Variants in SH2D3C observed in about 807,000 individuals in gnomAD.
SH2D3C encodes the protein SH2 domain-containing protein 3C.
SH2D3C carries 25 observed loss-of-function variants against 75.2 expected under a neutral mutation model. The observed-to-expected ratio is 0.33, with a 90% CI of 0.24 to 0.46. The LOEUF (loss-of-function observed/expected upper bound fraction) is 0.46. Ranked by LOEUF, SH2D3C falls within the 20% of genes least tolerant of loss-of-function variation. The pLI is 1.00. For synonymous variants in SH2D3C, 450 were observed against 473.7 expected, an observed-to-expected ratio of 0.95 and a Z score of 0.65; for missense variants, 933 against 1,165.3, an observed-to-expected ratio of 0.80 and a Z score of 2.90.
chr9:127,746,741 C>T (rs897841876), intron 6 of SH2D3C, among the ~76,000 whole-genome samples: 1 of 152,198 alleles, frequency 6.6e-6, no homozygotes, highest in Non-Finnish European at 1.5e-5. Flanking sequence ...AGTTCGAGAC[C>T]ACTCTGGCCA....
At chr9:127,763,810 T>A (rs1213122621) in intron 2 of SH2D3C, among the ~76,000 whole-genome samples, 1 of 152,178 alleles carries the variant, frequency 6.6e-6, no homozygotes, top group African/African-American at 2.4e-5. Context: ...CTGATAGCCC[T>A]CCCTGTTCTA....
At chr9:127,770,000 G>C (rs1026952797) in intron 2 of SH2D3C, among the ~76,000 whole-genome samples, 14 of 152,164 alleles carry the variant, frequency 9.2e-5, no homozygotes, top group African/African-American at 3.1e-4. Context: ...GTAGGCGTGG[G>C]GTAGGGAGTG....
chr9:127,760,525 A>G (rs929467518), intron 3 of SH2D3C, among the ~76,000 whole-genome samples: 1 of 152,158 alleles, frequency 6.6e-6, no homozygotes, highest in African/African-American at 2.4e-5. Flanking sequence ...GCAAACCACC[A>G]TGGCATGTAT....
chr9:127,754,665 T>C lies in SH2D3C; in HGVS notation c.556-3365A>G, dbSNP rs1229522371. ...ATCCCCCGCGTTTCCTGCTCCTCAC[T>C]CAGTCTTCAGATCCCAGTCCGGCGC... On this transcript the variant is annotated intron_variant, in intron 3 of 11. Transcript: ENST00000314830. The surrounding 1 kb of genome is among the most constrained non-coding windows in gnomAD (Gnocchi z 4.4). Among the ~76,000 whole-genome samples the C allele has an allele frequency of 2.6e-5, 4 of 151,904 alleles. No individual in the cohort carries two copies. The highest frequency in any genetic ancestry group is 5.9e-5 in the Non-Finnish European group (4 of 67,950).
chr9:127,750,458 C>T (rs1374507845), intron 4 of SH2D3C, among the ~76,000 whole-genome samples: 2 of 152,138 alleles, frequency 1.3e-5, no homozygotes, highest in Non-Finnish European at 1.5e-5. Flanking sequence ...CCTGGCCCCA[C>T]CTGGTGAACT....
Position 127,738,988 on chromosome 9 carries a change from A to G in SH2D3C, c.2408-67T>C, listed in dbSNP as rs566714591. ...CCTGTCCAGAGCCCTAGCATTCTTC[A>G]GGACCCCCCTGTTAGGGACCTCCCC... On this transcript the variant is annotated intron_variant, in intron 11 of 11. Transcript: ENST00000314830. This position sits in a 1 kb window ranked among gnomAD's most constrained non-coding sequence, Gnocchi z 5.0. The G allele has an allele frequency of 8.7e-4, 1,228 of 1,403,876 alleles. 15 individuals are homozygous for G. The highest frequency in any genetic ancestry group is 4.9e-3 in the South Asian group (314 of 64,716). The allele number at this position is 1,403,876 out of a possible 1,614,324, so 87.0% of individuals were successfully genotyped here.
chr9:127,743,470 T>C (rs1458031062), intron 7 of SH2D3C, among the ~76,000 whole-genome samples: 1 of 152,088 alleles, frequency 6.6e-6, no homozygotes, highest in Admixed American at 6.5e-5. Flanking sequence ...GCCACTGCAC[T>C]CCAGCCTCGG....
intron 3 of SH2D3C, among the ~76,000 whole-genome samples, chr9:127,757,055 G>C (rs181442379): frequency 6.0e-5 from 9 of 150,874 alleles, no homozygotes; most frequent in Non-Finnish European, 1.0e-4. Flanking sequence ...TCAGCTTCCC[G>C]AGTAGCTGGG....
chr9:127,742,999 G>C, intron 7 of SH2D3C, 35 bp from the exon 8 acceptor site: 1 of 1,523,992 alleles, frequency 6.6e-7, no homozygotes, highest in Non-Finnish European at 9.1e-7. Context: ...TTAATATCCT[G>C]TCAGGGCTGG....
At chr9:127,777,108 G>A (rs1212360634) in intron 1 of SH2D3C, among the ~76,000 whole-genome samples, 3 of 152,180 alleles carry the variant, frequency 2.0e-5, no homozygotes, top group Admixed American at 1.3e-4. Flanking sequence ...GGGCCTCAGC[G>A]TTGCCATCTG....
chr9:127,775,317 G>A (rs1385934514), intron 1 of SH2D3C, among the ~76,000 whole-genome samples: 2 of 152,118 alleles, frequency 1.3e-5, no homozygotes, highest in African/African-American at 4.8e-5. Flanking sequence ...AACATAGCAA[G>A]ACCCTGTCTC....
In SH2D3C at chr9:127,749,483, G is replaced by T. The variant is rs768705294; in HGVS notation, c.867C>A (p.Ser289Arg). Residue 289 changes from serine to arginine, a missense_variant, in exon 5 of 12, where the codon AGC (serine) becomes AGA (arginine). Physicochemically the swap from Ser to Arg is moderately radical, Grantham distance 110. Transcript: ENST00000314830. The surrounding 1 kb of genome is among the most constrained non-coding windows in gnomAD (Gnocchi z 5.9). ...GCACGAGGGCGGGCACGTGGTCAAA[G>T]CTCTCCTGCTCAAACAGGTACTGGA... Reference protein sequence around the residue: ...THIQYLFEQESFDHVPALVRY... With the variant: ...THIQYLFEQERFDHVPALVRY... 1 of 1,614,074 alleles carries T rather than the reference G, an allele frequency of 6.2e-7. No homozygotes were observed. The highest frequency in any genetic ancestry group is 1.3e-5 in the African/African-American group (1 of 74,944).
In SH2D3C at chr9:127,757,780, A is replaced by G. The variant is rs961256397; in HGVS notation, c.555+3831T>C. Among the ~76,000 whole-genome samples, 50 of 151,952 alleles carry G rather than the reference A, an allele frequency of 3.3e-4. 4 individuals are homozygous for G. Among genetic ancestry groups the G allele is most frequent in the East Asian group, 2.3e-3 (12 of 5,178 alleles). On this transcript the variant is annotated intron_variant, in intron 3 of 11. Transcript: ENST00000314830. ...GCAATTCTCCTGCCTCATCCTCCTG[A>G]GTAGCTGGGATTACAGTAGTGTGCC... is the stretch of plus-strand genomic sequence containing the variant.
chr9:127,754,595 C>T lies in SH2D3C; in HGVS notation c.556-3295G>A, dbSNP rs1284852744. ...GGCATGTCCAAGCCCACCTAGAGGG[C>T]GGGAGGGTGGCGGGCGCTCTGGCCC... On this transcript the variant is annotated intron_variant, in intron 3 of 11. Coordinates refer to ENST00000314830, the MANE Select transcript of SH2D3C (RefSeq NM_170600.3). The surrounding 1 kb of genome is among the most constrained non-coding windows in gnomAD (Gnocchi z 4.4). Among the ~76,000 whole-genome samples the T allele has an allele frequency of 2.0e-5, 3 of 152,142 alleles. No homozygotes were observed. Among genetic ancestry groups the T allele is most frequent in the African/African-American group, 7.2e-5 (3 of 41,438 alleles).
intron 1 of SH2D3C, 65 bp downstream of exon 1, chr9:127,778,526 A>C: frequency 8.7e-7 from 1 of 1,146,950 alleles, no homozygotes; most frequent in South Asian, 1.2e-5. Context: ...GAAGAAACAG[A>C]TGCAGAGAGA....
At position 127,754,788 on chromosome 9, in the gene SH2D3C, C is replaced by G. The variant is rs749610886; in HGVS notation, c.556-3488G>C. 9 of 476,834 alleles carry G rather than the reference C, an allele frequency of 1.9e-5. No homozygotes were observed. Among genetic ancestry groups the G allele is most frequent in the Non-Finnish European group, 3.0e-5 (7 of 231,312 alleles). The allele number at this position is 476,834 out of a possible 1,614,324, so 29.5% of individuals were successfully genotyped here. On this transcript the variant is annotated intron_variant, in intron 3 of 11. Transcript: ENST00000314830. The surrounding 1 kb of genome is among the most constrained non-coding windows in gnomAD (Gnocchi z 4.4). ...GACGCCGGAGACCCCATCTCCCAGT[C>G]CCCCCTGCCCCAGCTCTCTCCCTCC...
At position 127,744,943 on chromosome 9, in the gene SH2D3C, G is replaced by A; in HGVS notation, c.1421C>T (p.Thr474Ile). The change falls in exon 7 of 12, where the codon ACC becomes ATC. Residue 474 changes from threonine (T) to isoleucine (I), a missense_variant. By Grantham distance (89) the Thr-to-Ile change is moderately conservative (BLOSUM62 -1). Transcript: ENST00000314830. ...TGGTGACGGGGAGGCCTTGCCAAGG[G>A]TGTGGGAGGGGCTGGTGTGGGGGCC... is the stretch of plus-strand genomic sequence containing the variant. The part of the protein sequence containing the change: ...DKGPHTSPSH[T>I]LGKASPSPSL... 8 of 1,579,584 alleles carry A rather than the reference G, an allele frequency of 5.1e-6. No individual in the cohort carries two copies. Among genetic ancestry groups the A allele is most frequent in the Non-Finnish European group, 6.0e-6 (7 of 1,160,420 alleles).
At chr9:127,771,983 A>T (rs1405880083) in intron 2 of SH2D3C, among the ~76,000 whole-genome samples, 4 of 152,216 alleles carry the variant, frequency 2.6e-5, no homozygotes, top group Admixed American at 2.0e-4. Flanking sequence ...TCCATTTATC[A>T]GATGAGAAAC....
Position 127,774,454 on chromosome 9 carries a change from G to C in SH2D3C, c.51C>G (p.Phe17Leu), listed in dbSNP as rs1564426824. 2 of 1,511,108 alleles carry C rather than the reference G, an allele frequency of 1.3e-6. No individual in the cohort carries two copies. The highest frequency in any genetic ancestry group is 1.8e-6 in the Non-Finnish European group (2 of 1,086,588). 93.6% of individuals were successfully genotyped at this position (1,511,108 alleles called of 1,614,324 possible). ...KTSKKFKFFKFKGFGSLSNLP... is the reference protein window; with the variant it reads ...KTSKKFKFFKLKGFGSLSNLP... ...GGTTGGAGAGACTCCCAAAGCCCTT[G>C]AACTTGAAGAACTCTAGCAGAGGGG... Residue 17 changes from phenylalanine to leucine, a missense_variant, in exon 2 of 12, where the codon TTC becomes TTG. Coordinates refer to ENST00000314830, the MANE Select transcript of SH2D3C (RefSeq NM_170600.3). The surrounding 1 kb of genome is among the most constrained non-coding windows in gnomAD (Gnocchi z 4.3).
Sources: gnomAD v4.1 joint callset for allele counts (sites outside exome capture counted in the v4.1 genomes callset) on GRCh38, gnomAD v4.1.1 for gene constraint, Gnocchi (gnomAD v3.1) non-coding constraint, MANE v1.5 for transcripts, NCBI Gene and HGNC (gene_info 2026-07-23, HGNC 2026-07-21) for gene names.